Variants in PWWP3B observed in about 807,000 individuals in gnomAD.
The protein encoded by PWWP3B is PWWP domain containing 3B.
PWWP3B carries 5 observed loss-of-function variants against 15.7 expected under a neutral mutation model. The ratio of observed to expected loss-of-function variants is 0.32; its 90% CI spans 0.17 to 0.67. The LOEUF is 0.67. Ranked by LOEUF, PWWP3B falls within the 30% of genes least tolerant of loss-of-function variation. The pLI is 0.74. For missense variants in PWWP3B, 519 were observed against 493.1 expected (o/e 1.05, Z -0.50); for synonymous variants, 203 against 179.8 (o/e 1.13, Z -1.03).
In PWWP3B at chrX:106,207,696, T is replaced by C. The variant is rs911476318; in HGVS notation, c.*173T>C. Reference sequence around the variant, plus strand: ...TTATAATTACATCTTTATTTCCTTTTCTTGCGCTTCTTCAAAGTTAATTTT... The same window carrying C: ...TTATAATTACATCTTTATTTCCTTTCCTTGCGCTTCTTCAAAGTTAATTTT... On this transcript the variant is annotated 3_prime_UTR_variant, in exon 4 of 4. Transcript: ENST00000357175. 2.7e-5 allele frequency: 11 copies of C among 411,389 alleles called. No individual in the cohort carries two copies. The Admixed American group carries it at 5.8e-4, about 22-fold the overall frequency. 33.9% of individuals were successfully genotyped at this position (411,389 alleles called of 1,213,427 possible). A position where few individuals can be genotyped will look rare whatever the true frequency, so the allele number is the denominator to read the frequency against.
intron 2 of PWWP3B, among the ~76,000 whole-genome samples, chrX:106,195,795 C>T (rs1923342974): frequency 1.8e-5 from 2 of 111,864 alleles, no homozygotes; most frequent in African/African-American, 3.2e-5. Context: ...TTTCCACATA[C>T]ATTTTGGAAT....
chrX:106,168,731 C>G (rs1367062818), intron 1 of PWWP3B, among the ~76,000 whole-genome samples: 2 of 111,913 alleles, frequency 1.8e-5, no homozygotes, highest in African/African-American at 6.5e-5. Flanking sequence ...TTGTAATAGT[C>G]TTAAATGAAA....
intron 2 of PWWP3B, among the ~76,000 whole-genome samples, chrX:106,181,133 G>A (rs958813588): frequency 8.9e-6 from 1 of 111,866 alleles, no homozygotes; most frequent in Middle Eastern, 4.2e-3. Context: ...TCTTGGTCTC[G>A]CTGACTTCAA....
In PWWP3B at chrX:106,205,894, G is replaced by T; in HGVS notation, c.462G>T (p.Leu154Phe). ...AGGAAAGGGAAAACTCAGCATGCTT[G>T]TTAGCATCTTCAGAGAGTGATGATT... ...CLEERENSAC[L>F]LASSESDDSL... The change falls in exon 4 of 4, where the codon TTG (leucine) becomes TTT (phenylalanine). Residue 154 changes from leucine (L) to phenylalanine (F), a missense_variant. Physicochemically the swap from Leu to Phe is conservative, Grantham distance 22 (BLOSUM62 0). Transcript: ENST00000357175. 1 of 1,211,422 alleles carries T rather than the reference G, an allele frequency of 8.3e-7. No individual in the cohort carries two copies. Among genetic ancestry groups the T allele is most frequent in the Non-Finnish European group, 1.1e-6 (1 of 895,273 alleles).
Position 106,207,155 on chromosome X carries a change from A to C in PWWP3B, c.1723A>C (p.Asn575His). 1 of 1,206,100 alleles carries C rather than the reference A, an allele frequency of 8.3e-7. No individual in the cohort carries two copies. The highest frequency in any genetic ancestry group is 1.8e-5 in the South Asian group (1 of 55,918). Residue 575 changes from asparagine to histidine, a missense_variant, in exon 4 of 4, where the codon AAT becomes CAT. Physicochemically the swap from Asn to His is moderately conservative, Grantham distance 68. Coordinates refer to ENST00000357175, the MANE Select transcript of PWWP3B (RefSeq NM_001171020.2). ...AGAGAACCATCTTCTGGCCATTGTAAATGGCACAAAAGGATCCAGATGGCT... is the reference window on the plus strand; with the variant it reads ...AGAGAACCATCTTCTGGCCATTGTACATGGCACAAAAGGATCCAGATGGCT... ...GTENHLLAIV[N>H]GTKGSRWLKS...
intron 2 of PWWP3B, among the ~76,000 whole-genome samples, chrX:106,181,418 T>C (rs1922193243): frequency 8.9e-6 from 1 of 111,777 alleles, no homozygotes; most frequent in Non-Finnish European, 1.9e-5. Context: ...AGAGTGCTGA[T>C]TGGTGCGTTT....
In PWWP3B at chrX:106,205,342, G is replaced by A; in HGVS notation, c.-91G>A. The A allele has an allele frequency of 2.4e-6, 2 of 850,726 alleles. No homozygotes were observed. The highest frequency in any genetic ancestry group is 3.2e-6 in the Non-Finnish European group (2 of 620,769). 70.1% of individuals were successfully genotyped at this position (850,726 alleles called of 1,213,427 possible). A position where few individuals can be genotyped will look rare whatever the true frequency, so the allele number is the denominator to read the frequency against. ...TAAGACGAAAGAGGATTTGTTAAGA[G>A]TATTGTTTTGGGTAGAACTTGCATT... On this transcript the variant is annotated 5_prime_UTR_variant, in exon 4 of 4. Transcript: ENST00000357175.
chrX:106,205,156 C>T (rs1923919985), intron 3 of PWWP3B, 63 bp from the exon 4 acceptor site: 2 of 245,707 alleles, frequency 8.1e-6, no homozygotes, highest in East Asian at 6.3e-5. Context: ...TTGCTCACCT[C>T]CCGTTTTGGC....
chrX:106,190,943 C>T (rs769325871), intron 2 of PWWP3B, among the ~76,000 whole-genome samples: 56 of 110,934 alleles, frequency 5.0e-4, no homozygotes, highest in Middle Eastern at 9.4e-3. Flanking sequence ...TTTTGGTTAC[C>T]GTAGCCTTGT....
chrX:106,202,134 T>A (rs1209339329), intron 2 of PWWP3B, among the ~76,000 whole-genome samples: 1 of 111,885 alleles, frequency 8.9e-6, no homozygotes, highest in Non-Finnish European at 1.9e-5. Flanking sequence ...TTTGACAGTA[T>A]GGGGGGAAAT....
chrX:106,199,010 G>A (rs970696957), intron 2 of PWWP3B, among the ~76,000 whole-genome samples: 12 of 108,738 alleles, frequency 1.1e-4, no homozygotes, highest in African/African-American at 2.7e-4. Flanking sequence ...GCATTGAAAG[G>A]ATTAATTGTA....
intron 2 of PWWP3B, among the ~76,000 whole-genome samples, chrX:106,171,356 C>A (rs1468628508): frequency 9.0e-6 from 1 of 111,663 alleles, no homozygotes; most frequent in Non-Finnish European, 1.9e-5. Flanking sequence ...AAAGTCATAA[C>A]TTCTAGTTTT....
intron 2 of PWWP3B, among the ~76,000 whole-genome samples, chrX:106,187,855 C>T (rs1167371557): frequency 8.9e-6 from 1 of 111,947 alleles, no homozygotes; most frequent in East Asian, 2.8e-4. Context: ...GGACCTTATG[C>T]ACTAAAATAA....
chrX:106,185,172 CAG>C (rs774925675), intron 2 of PWWP3B, among the ~76,000 whole-genome samples: 3 of 111,501 alleles, frequency 2.7e-5, no homozygotes, highest in Non-Finnish European at 5.6e-5. Context: ...CCCCATCAGA[CAG>C]AGAATATTGG....
chrX:106,201,703 C>T (rs1208341521), intron 2 of PWWP3B: 1 of 111,843 alleles, frequency 8.9e-6, no homozygotes, highest in Non-Finnish European at 1.9e-5. Flanking sequence ...TAGGAAAGGA[C>T]TGTGCCTGGC....
chrX:106,191,752 G>C (rs778941223), intron 2 of PWWP3B, among the ~76,000 whole-genome samples: 8 of 111,181 alleles, frequency 7.2e-5, no homozygotes, highest in Non-Finnish European at 1.1e-4. Flanking sequence ...TAGCATGAAG[G>C]GTTGTTGAAT....
chrX:106,185,959 T>A (rs1229812453), intron 2 of PWWP3B, among the ~76,000 whole-genome samples: 2 of 111,770 alleles, frequency 1.8e-5, no homozygotes, highest in Non-Finnish European at 3.8e-5. Context: ...TGGGCAAAAA[T>A]TATGTCTTTC....
chrX:106,179,573 G>A (rs891318976), intron 2 of PWWP3B, among the ~76,000 whole-genome samples: 1 of 111,433 alleles, frequency 9.0e-6, no homozygotes, highest in Admixed American at 9.6e-5. Flanking sequence ...CTTGACATGG[G>A]AAATCTGCAT....
At chrX:106,202,991 AC>A (rs1569365959) in intron 2 of PWWP3B, among the ~76,000 whole-genome samples, 4 of 111,250 alleles carry the variant, frequency 3.6e-5, no homozygotes, top group African/African-American at 1.3e-4. Flanking sequence ...GGGGTTTGTT[AC>A]ATCTTCGGGG....
Sources: gnomAD v4.1 joint callset for allele counts (sites outside exome capture counted in the v4.1 genomes callset) on GRCh38, gnomAD v4.1.1 for gene constraint, MANE v1.5 for transcripts, NCBI Gene and HGNC (gene_info 2026-07-23, HGNC 2026-07-21) for gene names.